GSAP: variants seen among roughly 807,000 people sequenced by gnomAD.
GSAP encodes gamma-secretase-activating protein.
In GSAP, 118 loss-of-function variants were observed where a neutral mutation model predicts 131.7. The ratio of observed to expected loss-of-function variants is 0.90; its 90% confidence interval spans 0.77 to 1.04. GSAP has a LOEUF of 1.04. Ranked by LOEUF, GSAP falls within the 50% of genes least tolerant of loss-of-function variation. GSAP has a pLI of 0.00. For synonymous variants in GSAP, 381 were observed against 363.4 expected, an observed-to-expected ratio of 1.05 and a Z score of -0.55; for missense variants, 1,019 against 1,013.2, an observed-to-expected ratio of 1.01 and a Z score of -0.08.
chr7:77,377,356 C>T lies in GSAP; in HGVS notation c.611G>A (p.Arg204Lys). ...IKNSGHLPRD[R>K]IAEDFVWAQW... ...AGCCCAAACGAAATCCTCAGCTATT[C>T]TGTCTCTTGGGAGATGGCCAGAATT... is the stretch of plus-strand genomic sequence containing the variant. The change falls in exon 9 of 31, where the codon AGA becomes AAA. Residue 204 changes from arginine (R) to lysine (K), a missense_variant. Transcript: ENST00000257626. 2 of 1,540,590 alleles carry T rather than the reference C, an allele frequency of 1.3e-6. No homozygotes were observed. Among genetic ancestry groups the T allele is most frequent in the Non-Finnish European group, 1.7e-6 (2 of 1,148,030 alleles).
chr7:77,394,991 G>A (rs926969515), intron 5 of GSAP, among the ~76,000 whole-genome samples: 3 of 152,190 alleles, frequency 2.0e-5, no homozygotes, highest in Admixed American at 2.0e-4. Context: ...TTCTAAAGAT[G>A]CAAGCAGATC....
intron 12 of GSAP, among the ~76,000 whole-genome samples, chr7:77,372,998 AAG>A (rs1416232944): frequency 3.9e-5 from 6 of 152,156 alleles, no homozygotes; most frequent in African/African-American, 1.4e-4. Flanking sequence ...GGACAGGAAA[AAG>A]AGGAATGGAT....
At chr7:77,334,597 A>G (rs1250502025) in intron 19 of GSAP, among the ~76,000 whole-genome samples, 1 of 148,966 alleles carries the variant, frequency 6.7e-6, no homozygotes, top group African/African-American at 2.5e-5. Context: ...AAAAAAAAAA[A>G]AAAAAAAAAG....
In GSAP at chr7:77,377,400, C is replaced by CAAAAAA. The variant is rs56314229; in HGVS notation, c.577-16_577-11dup. ...CAGAATTTTTAATCACCTAAAAATG[C>CAAAAAA]AAAAAAAAAAAAAAAAAAAAAAGTA... On this transcript the variant is annotated splice_polypyrimidine_tract_variant and intron_variant, in intron 8 of 30. Transcript: ENST00000257626. The CAAAAAA allele has an allele frequency of 3.2e-5, 38 of 1,184,536 alleles. No homozygotes were observed. The highest frequency in any genetic ancestry group is 3.1e-4 in the Middle Eastern group (1 of 3,232). 73.4% of individuals were successfully genotyped at this position (1,184,536 alleles called of 1,614,324 possible).
rs187685741 is a variant in GSAP, at chr7:77,350,616, G to A, written c.1492-1212C>T. On this transcript the variant is annotated intron_variant, in intron 18 of 30. Coordinates refer to ENST00000257626, the MANE Select transcript of GSAP (RefSeq NM_017439.4). Reference sequence around the variant, plus strand: ...AAATTAGCCAGCCATGGTGGCAGGCGCCTGTATTTCCAGCTACTCAGGAGG... The same window carrying A: ...AAATTAGCCAGCCATGGTGGCAGGCACCTGTATTTCCAGCTACTCAGGAGG... Among the ~76,000 whole-genome samples, 461 of 150,696 alleles carry A rather than the reference G, an allele frequency of 3.1e-3. 2 individuals are homozygous for A. Among genetic ancestry groups the A allele is most frequent in the Middle Eastern group, 0.014 (4 of 292 alleles).
intron 24 of GSAP, among the ~76,000 whole-genome samples, chr7:77,321,786 A>C (rs1223360435): frequency 6.6e-6 from 1 of 152,140 alleles, no homozygotes; most frequent in Non-Finnish European, 1.5e-5. Context: ...AGAGACACAG[A>C]ATGGAGGTCA....
At chr7:77,344,596 T>G (rs1467604452) in intron 19 of GSAP, among the ~76,000 whole-genome samples, 6 of 152,026 alleles carry the variant, frequency 3.9e-5, no homozygotes, top group Non-Finnish European at 8.8e-5. Flanking sequence ...CTTGTTACAC[T>G]GCTGGTTTAC....
chr7:77,334,003 A>G (rs1789560428), intron 19 of GSAP, among the ~76,000 whole-genome samples: 1 of 152,192 alleles, frequency 6.6e-6, no homozygotes, highest in Non-Finnish European at 1.5e-5. Context: ...TGTGGAGGAC[A>G]CTATGGCGAT....
chr7:77,340,941 C>A (rs1007644239), intron 19 of GSAP, among the ~76,000 whole-genome samples: 2 of 152,130 alleles, frequency 1.3e-5, no homozygotes, highest in Non-Finnish European at 2.9e-5. Context: ...CCCTCCATTC[C>A]CCCTTCTGCT....
chr7:77,315,159 A>C (rs889829345), intron 26 of GSAP: 1 of 152,300 alleles, frequency 6.6e-6, no homozygotes, highest in Non-Finnish European at 1.5e-5. Context: ...GGAGAGAATC[A>C]AAACAGCTCT....
At chr7:77,376,059 TTAAAC>T (rs1346909737) in intron 10 of GSAP, among the ~76,000 whole-genome samples, 3 of 152,148 alleles carry the variant, frequency 2.0e-5, no homozygotes, top group Non-Finnish European at 4.4e-5. Flanking sequence ...TAGATTTTGG[TTAAAC>T]TATACCCTCT....
intron 18 of GSAP, chr7:77,351,692 T>C: frequency 1.0e-6 from 1 of 985,710 alleles, no homozygotes; most frequent in Non-Finnish European, 1.2e-6. Context: ...TGCACAATCT[T>C]GAGAAGTGCA....
intron 25 of GSAP, among the ~76,000 whole-genome samples, chr7:77,321,058 G>C (rs1428867719): frequency 6.6e-6 from 1 of 152,146 alleles, no homozygotes; most frequent in African/African-American, 2.4e-5. Context: ...GCAGTACTGG[G>C]CTCATTTGTC....
chr7:77,374,310 AG>A (rs1338880123), intron 11 of GSAP, among the ~76,000 whole-genome samples, 155 bp from the exon 12 acceptor site: 1 of 152,224 alleles, frequency 6.6e-6, no homozygotes, highest in African/African-American at 2.4e-5. Context: ...TAAATTCTGT[AG>A]TTTTTTCAAA....
At chr7:77,416,353 G>C (rs1584012893), upstream of GSAP, 1 of 1,299,000 alleles carries the variant, frequency 7.7e-7, no homozygotes, top group Non-Finnish European at 1.0e-6. Context: ...CGGCTCTGGG[G>C]CCCCGCACCG....
intron 12 of GSAP, among the ~76,000 whole-genome samples, chr7:77,371,431 C>CTTTT (rs71085450): frequency 7.0e-6 from 1 of 142,978 alleles, no homozygotes; most frequent in Non-Finnish European, 1.5e-5. Context: ...CATCTTTTTT[C>CTTTT]TTTTTTTTTT....
intron 26 of GSAP, among the ~76,000 whole-genome samples, chr7:77,319,182 T>C (rs1787272563): frequency 6.6e-6 from 1 of 152,084 alleles, no homozygotes; most frequent in Non-Finnish European, 1.5e-5. Context: ...CTAAAACATA[T>C]AAGGAACTCA....
chr7:77,367,811 G>A (rs1365648795), intron 12 of GSAP, among the ~76,000 whole-genome samples: 1 of 152,184 alleles, frequency 6.6e-6, no homozygotes, highest in Non-Finnish European at 1.5e-5. Context: ...GTAGAATTCA[G>A]TTGTGAATCC....
intron 5 of GSAP, among the ~76,000 whole-genome samples, chr7:77,393,804 G>A (rs1488894131): frequency 6.6e-6 from 1 of 151,534 alleles, no homozygotes; most frequent in Non-Finnish European, 1.5e-5. Flanking sequence ...TTCCCAAGTA[G>A]CTGGGATTAC....
Sources: allele counts gnomAD v4.1 joint callset (sites outside exome capture counted in the v4.1 genomes callset), GRCh38; gene constraint gnomAD v4.1.1; transcripts MANE v1.5; gene names NCBI Gene and HGNC (gene_info 2026-07-23, HGNC 2026-07-21).